AOPEP: variants seen among roughly 807,000 people sequenced by gnomAD.
AOPEP encodes aminopeptidase O (putative), also known as aminopeptidase O.
A neutral mutation model predicts 98.1 loss-of-function variants in AOPEP; 77 were observed. The ratio of observed to expected loss-of-function variants is 0.78; its 90% confidence interval spans 0.65 to 0.95. AOPEP has a LOEUF of 0.95. AOPEP is among the 40% of genes least tolerant of loss of function. The pLI, the probability that AOPEP is intolerant of heterozygous loss-of-function variation, is 0.00. For missense variants in AOPEP, 1,024 were observed against 1,024.7 expected (o/e 1.00, Z 0.01); for synonymous variants, 346 against 365.3 (o/e 0.95, Z 0.60).
At chr9:94,969,453 C>T (rs961857848) in intron 10 of AOPEP, among the ~76,000 whole-genome samples, 1 of 151,444 alleles carries the variant, frequency 6.6e-6, no homozygotes, top group African/African-American at 2.4e-5. Context: ...CTCTGTCACC[C>T]AGGCTGGAGT....
chr9:95,087,482 C>CAAAAA (rs746666179), downstream of AOPEP, among the ~76,000 whole-genome samples: 2 of 37,434 alleles, frequency 5.3e-5, no homozygotes, highest in South Asian at 2.5e-3. Context: ...GACTCCATCT[C>CAAAAA]AAAAAAAAAA....
chr9:94,995,125 C>T lies in AOPEP; in HGVS notation c.1978-10033C>T, dbSNP rs72750372. On this transcript the variant is annotated intron_variant, in intron 11 of 16. Transcript: ENST00000375315. Reference sequence around the variant, plus strand: ...ATTGGTTGTCATTGGAAGGGATACACACTTGTTTGTAGTAGCTCAGATGTG... The same window carrying T: ...ATTGGTTGTCATTGGAAGGGATACATACTTGTTTGTAGTAGCTCAGATGTG... 5.3e-3 allele frequency among the ~76,000 whole-genome samples: 800 copies of T among 152,298 alleles called. 14 individuals carry two copies. The highest frequency in any genetic ancestry group is 0.043 in the East Asian group (225 of 5,186).
intron 13 of AOPEP, among the ~76,000 whole-genome samples, chr9:95,013,608 A>G (rs943948870): frequency 3.3e-5 from 5 of 152,162 alleles, no homozygotes; most frequent in Non-Finnish European, 5.9e-5. Flanking sequence ...AATGTTCATC[A>G]TCTGCTTTTA....
intron 5 of AOPEP, among the ~76,000 whole-genome samples, chr9:94,897,486 T>A (rs1361731724): frequency 1.3e-5 from 2 of 152,120 alleles, no homozygotes; most frequent in Non-Finnish European, 2.9e-5. Flanking sequence ...AGTAAATAAA[T>A]GCATTCTTGA....
At chr9:95,066,957 C>T (rs1475474028) in intron 14 of AOPEP, among the ~76,000 whole-genome samples, 2 of 152,182 alleles carry the variant, frequency 1.3e-5, no homozygotes, top group African/African-American at 4.8e-5. Context: ...CCAGAAACCA[C>T]ACAACTTTCT....
At chr9:95,015,715 T>C (rs1033032215) in intron 13 of AOPEP, among the ~76,000 whole-genome samples, 1 of 152,208 alleles carries the variant, frequency 6.6e-6, no homozygotes, top group African/African-American at 2.4e-5. Flanking sequence ...GGTATTTTCA[T>C]TGTCCATAAG....
chr9:94,951,995 A>C (rs1381942725), intron 7 of AOPEP, among the ~76,000 whole-genome samples: 1 of 152,268 alleles, frequency 6.6e-6, no homozygotes, highest in East Asian at 1.9e-4. Context: ...AGAGACACTT[A>C]GAAAATGAGC....
intron 11 of AOPEP, among the ~76,000 whole-genome samples, chr9:94,981,693 A>T (rs1467365798): frequency 6.6e-6 from 1 of 152,112 alleles, no homozygotes. Context: ...TGAATGGGAC[A>T]CCTTGTTCTT....
At chr9:95,085,566 C>T (rs137908951) in intron 16 of AOPEP, 3 of 472,742 alleles carry the variant, frequency 6.3e-6, no homozygotes, top group East Asian at 5.8e-5. Context: ...AAGTTGGAGC[C>T]GCTGGGGCAG....
chr9:94,763,966 A>C (rs10739982), intron 2 of AOPEP, among the ~76,000 whole-genome samples: 1 of 152,038 alleles, frequency 6.6e-6, no homozygotes, highest in Admixed American at 6.5e-5. Context: ...GAGGTGGGGC[A>C]TAACTCCTCA....
intron 3 of AOPEP, among the ~76,000 whole-genome samples, chr9:94,787,460 A>G (rs1844684600): frequency 6.6e-6 from 1 of 152,216 alleles, no homozygotes; most frequent in Non-Finnish European, 1.5e-5. Flanking sequence ...CACAAGTATC[A>G]TCTTGCCCAT....
intron 14 of AOPEP, among the ~76,000 whole-genome samples, chr9:95,078,019 C>G (rs1430847329): frequency 6.6e-6 from 1 of 151,610 alleles, no homozygotes; most frequent in African/African-American, 2.4e-5. Context: ...AATGAAAAGA[C>G]TTGTTTTTAT....
chr9:94,763,077 G>A (rs986978517), intron 2 of AOPEP: 5 of 438,482 alleles, frequency 1.1e-5, no homozygotes, highest in South Asian at 5.2e-5. Context: ...AGTTATACCC[G>A]CTCTAAGTTC....
intron 10 of AOPEP, among the ~76,000 whole-genome samples, chr9:94,973,630 G>C (rs1432575743): frequency 6.6e-6 from 1 of 152,242 alleles, no homozygotes; most frequent in Non-Finnish European, 1.5e-5. Flanking sequence ...AGAGGGCAAA[G>C]CCACCTGCTG....
rs2058481559 is a variant in AOPEP, at chr9:94,956,685, G to A, written c.1872+670G>A. 2.0e-5 allele frequency among the ~76,000 whole-genome samples: 3 copies of A among 152,232 alleles called. No homozygotes were observed. In the South Asian group the frequency reaches 6.2e-4, roughly 31 times the overall value. ...GCTCGTATGGGCATGGGGCCAAGCAGCACATAGCAAGGAAGTTAACAAGGA... is the reference window on the plus strand; with the variant it reads ...GCTCGTATGGGCATGGGGCCAAGCAACACATAGCAAGGAAGTTAACAAGGA... On this transcript the variant is annotated intron_variant, in intron 9 of 16. Transcript: ENST00000375315.
chr9:95,005,136 A>C (rs1242530330), intron 11 of AOPEP, 22 bp from the exon 12 acceptor site: 3 of 1,127,986 alleles, frequency 2.7e-6, no homozygotes, highest in Admixed American at 3.9e-5. Context: ...GGTAAACTTG[A>C]CTGTGTCCTC....
intron 13 of AOPEP, among the ~76,000 whole-genome samples, chr9:95,054,388 A>C (rs1564578895): frequency 1.3e-5 from 2 of 152,208 alleles, no homozygotes; most frequent in Non-Finnish European, 2.9e-5. Context: ...AATAACATAA[A>C]ATATTAATGT....
the AOPEP span, among the ~76,000 whole-genome samples, chr9:95,095,410 C>G: frequency 5.9e-5 from 9 of 152,190 alleles, no homozygotes; most frequent in Admixed American, 5.9e-4. Context: ...TTCCCTGTGT[C>G]GTGTGTGTCC....
At chr9:94,889,965 G>A (rs1304658494) in intron 5 of AOPEP, among the ~76,000 whole-genome samples, 1 of 150,494 alleles carries the variant, frequency 6.6e-6, no homozygotes. Context: ...AGTGCCATCT[G>A]TATATCCTCT....
Sources: allele counts gnomAD v4.1 joint callset (sites outside exome capture counted in the v4.1 genomes callset), GRCh38; gene constraint gnomAD v4.1.1; transcripts MANE v1.5; gene names NCBI Gene and HGNC (gene_info 2026-07-23, HGNC 2026-07-21).